ZNF827: variants seen among roughly 807,000 people sequenced by gnomAD.
ZNF827 encodes zinc finger protein 827.
ZNF827 carries 13 observed loss-of-function variants against 102.4 expected under a neutral mutation model. The ratio of observed to expected loss-of-function variants is 0.13; its 90% CI spans 0.08 to 0.20. The LOEUF is 0.20. ZNF827 is among the 10% of genes least tolerant of loss of function. The pLI, the probability that ZNF827 is intolerant of heterozygous loss-of-function variation, is 1.00. For synonymous variants in ZNF827, 523 were observed against 536.2 expected (o/e 0.98, Z 0.34); for missense variants, 1,103 against 1,344.4 (o/e 0.82, Z 2.81).
chr4:145,930,857 G>A (rs189073715), intron 1 of ZNF827, among the ~76,000 whole-genome samples: 8 of 152,210 alleles, frequency 5.3e-5, no homozygotes, highest in South Asian at 2.1e-4. Context: ...GTGTGTGCGC[G>A]CGCATGTGTG....
At chr4:145,833,403 C>A (rs1744458073) in intron 7 of ZNF827, among the ~76,000 whole-genome samples, 2 of 152,196 alleles carry the variant, frequency 1.3e-5, no homozygotes, top group African/African-American at 4.8e-5. Flanking sequence ...TGATTATTCA[C>A]CCACGTTTCA....
intron 8 of ZNF827, among the ~76,000 whole-genome samples, chr4:145,780,744 A>T (rs1737849622): frequency 6.6e-6 from 1 of 152,232 alleles, no homozygotes; most frequent in African/African-American, 2.4e-5. Flanking sequence ...TTTTCACCTC[A>T]CTTTGAAGAC....
chr4:145,923,223 C>T (rs552589322), intron 1 of ZNF827, among the ~76,000 whole-genome samples: 18 of 152,234 alleles, frequency 1.2e-4, no homozygotes, highest in Admixed American at 1.1e-3. Context: ...GGTGTAATAT[C>T]AATGAATATT....
chr4:145,872,857 G>A (rs904717991), intron 4 of ZNF827, among the ~76,000 whole-genome samples: 3 of 151,192 alleles, frequency 2.0e-5, no homozygotes, highest in East Asian at 1.9e-4. Flanking sequence ...CCTGGGTGAC[G>A]GAGCGAGATT....
intron 1 of ZNF827, among the ~76,000 whole-genome samples, chr4:145,937,144 T>TG (rs1169285488): frequency 6.6e-6 from 1 of 150,416 alleles, no homozygotes; most frequent in Non-Finnish European, 1.5e-5. Flanking sequence ...ACTGGGGGGT[T>TG]GGGGGGAGCT....
At chr4:145,801,165 A>T (rs1740864021) in intron 8 of ZNF827, among the ~76,000 whole-genome samples, 1 of 152,196 alleles carries the variant, frequency 6.6e-6, no homozygotes, top group Non-Finnish European at 1.5e-5. Context: ...GAAGGAAAAA[A>T]AAAATCCTCT....
chr4:145,807,083 T>C (rs1560945536), intron 8 of ZNF827, among the ~76,000 whole-genome samples: 1 of 152,226 alleles, frequency 6.6e-6, no homozygotes, highest in Non-Finnish European at 1.5e-5. Flanking sequence ...TATTAATAAC[T>C]TACAGGATGT....
chr4:145,895,454 G>T (rs546240912), intron 2 of ZNF827, among the ~76,000 whole-genome samples: 1 of 152,200 alleles, frequency 6.6e-6, no homozygotes, highest in Non-Finnish European at 1.5e-5. Flanking sequence ...ACAAATTAGG[G>T]TGCACTTGGA....
chr4:145,899,120 C>T (rs894264489), intron 2 of ZNF827, among the ~76,000 whole-genome samples: 1 of 152,036 alleles, frequency 6.6e-6, no homozygotes, highest in African/African-American at 2.4e-5. Flanking sequence ...GCCAATGCAC[C>T]TACGTATTTT....
Position 145,763,655 on chromosome 4 carries a change from G to A in ZNF827, c.3231-533C>T, listed in dbSNP as rs1031016749. Among the ~76,000 whole-genome samples the A allele has an allele frequency of 6.6e-6, 1 of 152,204 alleles. No homozygotes were observed. The highest frequency in any genetic ancestry group is 2.4e-5 in the African/African-American group (1 of 41,444). The stretch of plus-strand genomic sequence containing the variant: ...GTTCATGGGTGTGACTGGGCTACTG[G>A]GAAGGGCAGTGAGCACTGGTCCAAC... On this transcript the variant is annotated intron_variant, in intron 13 of 14. Transcript: ENST00000508784. This position sits in a 1 kb window ranked among gnomAD's most constrained non-coding sequence, Gnocchi z 4.6.
intron 3 of ZNF827, among the ~76,000 whole-genome samples, chr4:145,889,859 C>T (rs1005337565): frequency 2.0e-5 from 3 of 151,972 alleles, no homozygotes; most frequent in African/African-American, 7.2e-5. Flanking sequence ...CGCCTGTAGT[C>T]CCAGCTACTC....
chr4:145,767,162 G>A (rs764541171), intron 11 of ZNF827, among the ~76,000 whole-genome samples: 1 of 152,168 alleles, frequency 6.6e-6, no homozygotes, highest in African/African-American at 2.4e-5. Flanking sequence ...AAACAGTGGT[G>A]ACTGTATTTC....
intron 1 of ZNF827, chr4:145,906,970 A>G (rs562185311): frequency 1.9e-5 from 8 of 432,162 alleles, no homozygotes; most frequent in African/African-American, 1.4e-4. Flanking sequence ...TATTCAAGAA[A>G]TAAGTTACCA....
intron 7 of ZNF827, among the ~76,000 whole-genome samples, chr4:145,836,998 A>T (rs967483327): frequency 2.1e-5 from 3 of 144,490 alleles, no homozygotes; most frequent in African/African-American, 7.7e-5. Flanking sequence ...CCTGAGTCAG[A>T]TAACTAAAAT....
At chr4:145,937,325 A>T (rs896712626) in intron 1 of ZNF827, among the ~76,000 whole-genome samples, 1 of 151,674 alleles carries the variant, frequency 6.6e-6, no homozygotes, top group Admixed American at 6.6e-5. Context: ...GATGCACTTT[A>T]GTCCTGGACT....
intron 1 of ZNF827, among the ~76,000 whole-genome samples, chr4:145,906,558 C>T (rs116615401): frequency 5.1e-4 from 78 of 152,274 alleles, no homozygotes; most frequent in African/African-American, 1.7e-3. Context: ...CCCCTCCAAA[C>T]GTGCTGAAAC....
intron 11 of ZNF827, among the ~76,000 whole-genome samples, chr4:145,771,886 TA>T (rs1161541479): frequency 6.6e-6 from 1 of 152,178 alleles, no homozygotes; most frequent in Non-Finnish European, 1.5e-5. Context: ...AAAATCAAAT[TA>T]GAGAACAAGG....
intron 7 of ZNF827, among the ~76,000 whole-genome samples, chr4:145,835,534 GC>G (rs1292410797): frequency 1.3e-5 from 2 of 149,640 alleles, no homozygotes; most frequent in African/African-American, 2.5e-5. Context: ...TAAATTATCT[GC>G]TTCCCTGACT....
intron 7 of ZNF827, chr4:145,831,186 A>T (rs1456538416): frequency 6.6e-6 from 1 of 152,176 alleles, no homozygotes; most frequent in Non-Finnish European, 1.5e-5. Flanking sequence ...AGTGCCCAAG[A>T]TTAAAAATGA....
Sources: allele counts gnomAD v4.1 joint callset (sites outside exome capture counted in the v4.1 genomes callset), GRCh38; gene constraint gnomAD v4.1.1; non-coding constraint Gnocchi (gnomAD v3.1); transcripts MANE v1.5; gene names NCBI Gene and HGNC (gene_info 2026-07-23, HGNC 2026-07-21).